Variants in TNFSF4 observed in about 807,000 individuals in gnomAD.
TNFSF4 encodes tumor necrosis factor ligand superfamily member 4.
In TNFSF4, 4 loss-of-function variants were observed where a neutral mutation model predicts 7.3. The observed-to-expected ratio is 0.55, with a 90% CI of 0.27 to 1.25. The LOEUF (loss-of-function observed/expected upper bound fraction) is 1.25. Ranked by LOEUF, TNFSF4 falls within the 50% of genes most tolerant of loss-of-function variation. TNFSF4 has a pLI of 0.12. For missense variants in TNFSF4, 181 were observed against 208.8 expected, an observed-to-expected ratio of 0.87 and a Z score of 0.82; for synonymous variants, 76 against 83.7, an observed-to-expected ratio of 0.91 and a Z score of 0.50.
chr1:173,416,090 G>A, the TNFSF4 span, among the ~76,000 whole-genome samples: 2 of 152,160 alleles, frequency 1.3e-5, no homozygotes, highest in African/African-American at 4.8e-5. Flanking sequence ...TCAATGCCCA[G>A]GGAGGTAGAG....
the TNFSF4 span, among the ~76,000 whole-genome samples, chr1:173,414,537 G>C: frequency 3.8e-3 from 579 of 152,308 alleles, 5 homozygotes; most frequent in African/African-American, 0.012. Flanking sequence ...TCTTGTCCAA[G>C]ATCTAGATAA....
the TNFSF4 span, among the ~76,000 whole-genome samples, chr1:173,292,006 CA>C: frequency 0.016 from 2,305 of 144,294 alleles, 55 homozygotes; most frequent in African/African-American, 0.057. Context: ...AATCTACCAA[CA>C]AAAAAAAAAC....
chr1:173,445,994 CTT>C, the TNFSF4 span, among the ~76,000 whole-genome samples: 1 of 152,092 alleles, frequency 6.6e-6, no homozygotes, highest in Non-Finnish European at 1.5e-5. Flanking sequence ...TTCCAAATCT[CTT>C]GAGGATTTTA....
the TNFSF4 span, among the ~76,000 whole-genome samples, chr1:173,426,627 G>T: frequency 6.6e-6 from 1 of 152,020 alleles, no homozygotes; most frequent in African/African-American, 2.4e-5. Flanking sequence ...ACAGGGTCTT[G>T]CTCTGTCACC....
At chr1:173,425,109 C>T in the TNFSF4 span, among the ~76,000 whole-genome samples, 1 of 145,566 alleles carries the variant, frequency 6.9e-6, no homozygotes, top group Non-Finnish European at 1.5e-5. Context: ...TGAGTCCTTT[C>T]CTTTCTTTTA....
the TNFSF4 span, among the ~76,000 whole-genome samples, chr1:173,347,770 C>T: frequency 4.6e-5 from 7 of 152,210 alleles, no homozygotes; most frequent in Non-Finnish European, 1.0e-4. Flanking sequence ...CACAAGGCTT[C>T]TCAGCCTCAG....
At chr1:173,230,221 A>T in the TNFSF4 span, among the ~76,000 whole-genome samples, 2 of 151,790 alleles carry the variant, frequency 1.3e-5, no homozygotes, top group African/African-American at 4.8e-5. Flanking sequence ...AACAGAAATT[A>T]TAACAGTCTC....
the TNFSF4 span, among the ~76,000 whole-genome samples, chr1:173,378,276 G>A: frequency 6.6e-6 from 1 of 151,034 alleles, no homozygotes; most frequent in Non-Finnish European, 1.5e-5. Context: ...ATTCTGATCA[G>A]CAGGGTCCAG....
the TNFSF4 span, among the ~76,000 whole-genome samples, chr1:173,333,324 GA>G: frequency 0.9 from 136,997 of 151,598 alleles, 62,092 homozygotes; most frequent in Admixed American, 0.94. Flanking sequence ...CTGAAGGCCT[GA>G]AAAAAAAACA....
the TNFSF4 span, among the ~76,000 whole-genome samples, chr1:173,345,601 G>A: frequency 6.6e-6 from 1 of 152,208 alleles, no homozygotes; most frequent in Non-Finnish European, 1.5e-5. Context: ...CAGACATTGA[G>A]GTTGGGGAAT....
At chr1:173,349,842 C>A in the TNFSF4 span, among the ~76,000 whole-genome samples, 2 of 152,106 alleles carry the variant, frequency 1.3e-5, no homozygotes, top group Non-Finnish European at 2.9e-5. Flanking sequence ...TAAGTTTAAA[C>A]CAGTTATACC....
chr1:173,441,155 C>T, the TNFSF4 span, among the ~76,000 whole-genome samples: 1 of 152,212 alleles, frequency 6.6e-6, no homozygotes, highest in African/African-American at 2.4e-5. Context: ...CAAAGCCCAG[C>T]AGGCTCCTCA....
chr1:173,187,067 G>A (rs79007026), intron 2 of TNFSF4, among the ~76,000 whole-genome samples: 1 of 151,194 alleles, frequency 6.6e-6, no homozygotes, highest in Non-Finnish European at 1.5e-5. Flanking sequence ...AAAAAAAAAA[G>A]AAAAAGGAGT....
At chr1:173,246,265 C>T in the TNFSF4 span, among the ~76,000 whole-genome samples, 8 of 152,034 alleles carry the variant, frequency 5.3e-5, no homozygotes, top group African/African-American at 1.2e-4. Flanking sequence ...GTTTTAAGCC[C>T]CATATGCATT....
the TNFSF4 span, among the ~76,000 whole-genome samples, chr1:173,356,642 C>T: frequency 0.1 from 15,741 of 152,226 alleles, 1,086 homozygotes; most frequent in East Asian, 0.18. Flanking sequence ...GCTTCTTTCA[C>T]AATCCAAGCT....
At chr1:173,239,987 C>T in the TNFSF4 span, among the ~76,000 whole-genome samples, 11 of 152,004 alleles carry the variant, frequency 7.2e-5, no homozygotes, top group Non-Finnish European at 1.5e-4. Flanking sequence ...GCAGACATCA[C>T]GCCACTGTAC....
At chr1:173,341,288 A>T in the TNFSF4 span, among the ~76,000 whole-genome samples, 1 of 152,232 alleles carries the variant, frequency 6.6e-6, no homozygotes, top group Non-Finnish European at 1.5e-5. Context: ...AACAGAGCCC[A>T]CAGCAGTGTA....
the TNFSF4 span, among the ~76,000 whole-genome samples, chr1:173,434,911 C>T: frequency 2.6e-5 from 4 of 152,164 alleles, no homozygotes; most frequent in Non-Finnish European, 5.9e-5. Context: ...AATAGTGAAA[C>T]ACTGAAGAAA....
At chr1:173,446,311 C>A in the TNFSF4 span, among the ~76,000 whole-genome samples, 2 of 152,104 alleles carry the variant, frequency 1.3e-5, no homozygotes, top group African/African-American at 4.8e-5. Flanking sequence ...TTTTAACATA[C>A]AATCCAGCAA....
Sources: gnomAD v4.1 joint callset for allele counts (sites outside exome capture counted in the v4.1 genomes callset) on GRCh38, gnomAD v4.1.1 for gene constraint, MANE v1.5 for transcripts, NCBI Gene and HGNC (gene_info 2026-07-23, HGNC 2026-07-21) for gene names.